Variants in TGM4 observed in about 807,000 individuals in gnomAD.
TGM4 encodes transglutaminase 4.
Under a neutral mutation model 76.3 loss-of-function variants are expected in TGM4, and 61 were observed. The observed-to-expected ratio is 0.80, with a 90% CI of 0.65 to 0.99. TGM4 has a LOEUF of 0.99. Ranked by LOEUF, TGM4 falls within the 50% of genes least tolerant of loss-of-function variation. The pLI is 0.00. For synonymous variants in TGM4, 337 were observed against 329.8 expected (o/e 1.02, Z -0.24); for missense variants, 794 against 843.2 (o/e 0.94, Z 0.72).
chr3:44,882,057 C>CTTTTTTTTT (rs60542332), intron 1 of TGM4, among the ~76,000 whole-genome samples: 3 of 104,630 alleles, frequency 2.9e-5, no homozygotes, highest in Admixed American at 1.2e-4. Flanking sequence ...AATACAAACG[C>CTTTTTTTTT]TTTTTTTTTT....
intron 6 of TGM4, chr3:44,901,044 A>G (rs1575723037): frequency 6.3e-6 from 1 of 158,520 alleles, no homozygotes; most frequent in African/African-American, 2.4e-5. Flanking sequence ...TTTGAAACCA[A>G]CCTGGCCAAC....
chr3:44,909,128 A>C (rs1336388369), intron 10 of TGM4, among the ~76,000 whole-genome samples: 1 of 152,224 alleles, frequency 6.6e-6, no homozygotes, highest in African/African-American at 2.4e-5. Flanking sequence ...AAATTCCTTG[A>C]ATCATTAAGA....
At chr3:44,876,973 C>T (rs1699459135) in intron 1 of TGM4, among the ~76,000 whole-genome samples, 1 of 152,148 alleles carries the variant, frequency 6.6e-6, no homozygotes, top group African/African-American at 2.4e-5. Context: ...TGAAAAGATG[C>T]TCAACCTTAC....
chr3:44,895,700 CCTT>C (rs1699770391), intron 5 of TGM4, among the ~76,000 whole-genome samples: 1 of 152,222 alleles, frequency 6.6e-6, no homozygotes, highest in Non-Finnish European at 1.5e-5. Flanking sequence ...CCCCCAGACT[CCTT>C]CTGGAACATA....
chr3:44,896,884 C>T (rs1483498773), intron 6 of TGM4, 68 bp downstream of exon 6: 2 of 1,376,714 alleles, frequency 1.5e-6, no homozygotes, highest in Non-Finnish European at 2.1e-6. Flanking sequence ...TTCTGTTTTT[C>T]CTCATCTAAA....
chr3:44,887,788 G>T lies in TGM4; in HGVS notation c.293G>T (p.Gly98Val). 1 of 1,614,168 alleles carries T rather than the reference G, an allele frequency of 6.2e-7. No individual in the cohort carries two copies. Among genetic ancestry groups the T allele is most frequent in the Non-Finnish European group, 8.5e-7 (1 of 1,180,020 alleles). The change falls in exon 3 of 14, where the codon GGC becomes GTC. Residue 98 changes from glycine (G) to valine (V), a missense_variant. Transcript: ENST00000296125. ...CAGGCAACCCTTCAAAATGAGTCTGGCAAAGAGGTGAGCACCCACTGGGCT... is the reference window on the plus strand; with the variant it reads ...CAGGCAACCCTTCAAAATGAGTCTGTCAAAGAGGTGAGCACCCACTGGGCT... ...NWQATLQNES[G>V]KEVTVAVTSS...
Position 44,907,058 on chromosome 3 carries a change from C to G in TGM4, c.1185C>G (p.Ile395Met), listed in dbSNP as rs763670478. ...CAGAAGTGAATGGTGACAGGCTCAT[C>G]TGGTTGGTGAAGATGGTGAATGGGC... ...VFSEVNGDRL[I>M]WLVKMVNGQE... Residue 395 changes from isoleucine to methionine, a missense_variant, in exon 10 of 14, where the codon ATC becomes ATG. Ile to Met is a conservative substitution (Grantham distance 10). Transcript: ENST00000296125. 1.9e-6 allele frequency: 3 copies of G among 1,614,100 alleles called. No individual in the cohort carries two copies. The highest frequency in any genetic ancestry group is 3.3e-5 in the Admixed American group (2 of 60,010).
Position 44,896,781 on chromosome 3 carries a change from G to C in TGM4, c.622G>C (p.Asp208His), listed in dbSNP as rs1292907700. The part of the protein sequence containing the change: ...ESSLKPTDRR[D>H]PVLVCRAMCA... ...CTCCCTCAAGCCCACAGATAGGAGG[G>C]ACCCCGTGCTGGTGTGCAGGGCCAT... The change falls in exon 6 of 14, where the codon GAC (aspartate) becomes CAC (histidine). Residue 208 changes from aspartate to histidine, a missense_variant. Coordinates refer to ENST00000296125, the MANE Select transcript of TGM4 (RefSeq NM_003241.4). 18 of 1,614,136 alleles carry C rather than the reference G, an allele frequency of 1.1e-5. No individual in the cohort carries two copies. The highest frequency in any genetic ancestry group is 1.4e-5 in the Non-Finnish European group (17 of 1,180,022).
chr3:44,878,449 T>TTTTTTATTA (rs758610230), intron 1 of TGM4, among the ~76,000 whole-genome samples: 69 of 75,470 alleles, frequency 9.1e-4, no homozygotes, highest in Middle Eastern at 0.012. Flanking sequence ...TTACTTTTGT[T>TTTTTTATTA]TTATTATTAT....
chr3:44,910,887 C>T (rs1699994219), intron 11 of TGM4, 71 bp from the exon 12 acceptor site: 1 of 1,516,376 alleles, frequency 6.6e-7, no homozygotes, highest in Non-Finnish European at 9.0e-7. Flanking sequence ...TAATTCTGTG[C>T]TTGATGAGGA....
At chr3:44,881,855 AC>A (rs1211991729) in intron 1 of TGM4, among the ~76,000 whole-genome samples, 2 of 152,100 alleles carry the variant, frequency 1.3e-5, no homozygotes, top group African/African-American at 4.8e-5. Flanking sequence ...CATTGCAGAG[AC>A]TTTTGTTTTT....
At chr3:44,887,394 C>T (rs77351226) in intron 2 of TGM4, among the ~76,000 whole-genome samples, 3,124 of 152,234 alleles carry the variant, frequency 0.021, 55 homozygotes, top group Middle Eastern at 0.065. Context: ...AATGGTAACT[C>T]GAATGAGCAT....
At chr3:44,879,265 C>CTCTCTATATATA (rs1482970491) in intron 1 of TGM4, among the ~76,000 whole-genome samples, 2 of 92,276 alleles carry the variant, frequency 2.2e-5, no homozygotes, top group African/African-American at 4.4e-5. Context: ...CTCTCTCTCT[C>CTCTCTATATATA]TATATATATA....
chr3:44,889,808 A>G (rs1699664455), intron 3 of TGM4, among the ~76,000 whole-genome samples: 1 of 152,044 alleles, frequency 6.6e-6, no homozygotes, highest in South Asian at 2.1e-4. Context: ...TTTTGCTCCA[A>G]AAGACAGCTG....
chr3:44,885,549 T>C, intron 2 of TGM4, 51 bp downstream of exon 2: 2 of 1,571,992 alleles, frequency 1.3e-6, no homozygotes, highest in Non-Finnish European at 1.7e-6. Context: ...ATCACAAGTG[T>C]CTGTGGATGC....
intron 9 of TGM4, 33 bp from the exon 10 acceptor site, chr3:44,906,916 C>T: frequency 6.2e-7 from 1 of 1,607,446 alleles, no homozygotes; most frequent in Non-Finnish European, 8.5e-7. Flanking sequence ...TGGGGAACCC[C>T]ACTGAGAGTG....
chr3:44,879,173 C>A (rs1178989154), intron 1 of TGM4, among the ~76,000 whole-genome samples: 1 of 145,508 alleles, frequency 6.9e-6, no homozygotes, highest in Non-Finnish European at 1.5e-5. Context: ...GTGGCTTATT[C>A]CTTTCTCATC....
intron 13 of TGM4, among the ~76,000 whole-genome samples, chr3:44,911,646 T>A (rs1700007423): frequency 6.6e-6 from 1 of 152,226 alleles, no homozygotes; most frequent in Non-Finnish European, 1.5e-5. Flanking sequence ...TGCATCTGAT[T>A]ATTTGTGAGG....
rs1699934159 is a variant in TGM4, at chr3:44,907,147, C to A, written c.1274C>A (p.Ala425Glu). 1 of 1,613,920 alleles carries A rather than the reference C, an allele frequency of 6.2e-7. No homozygotes were observed. The highest frequency in any genetic ancestry group is 8.5e-7 in the Non-Finnish European group (1 of 1,180,016). The change falls in exon 10 of 14, where the codon GCA becomes GAA. Residue 425 changes from alanine to glutamate, a missense_variant. Transcript: ENST00000296125. ...TSIGKNISTKAVGQDRRRDIT... is the reference protein window; with the variant it reads ...TSIGKNISTKEVGQDRRRDIT... Reference sequence around the variant, plus strand: ...ATCGGGAAAAACATCAGCACCAAGGCAGTGGGCCAAGACAGGCGGAGAGAT... The same window carrying A: ...ATCGGGAAAAACATCAGCACCAAGGAAGTGGGCCAAGACAGGCGGAGAGAT...
Sources: gnomAD v4.1 joint callset for allele counts (sites outside exome capture counted in the v4.1 genomes callset) on GRCh38, gnomAD v4.1.1 for gene constraint, MANE v1.5 for transcripts, NCBI Gene and HGNC (gene_info 2026-07-23, HGNC 2026-07-21) for gene names.